CDK13: variants seen among roughly 807,000 people sequenced by gnomAD.
CDK13 encodes cyclin dependent kinase 13.
CDK13 carries 40 observed loss-of-function variants against 137.6 expected under a neutral mutation model. The observed-to-expected ratio is 0.29, with a 90% CI of 0.23 to 0.38. CDK13 has a LOEUF of 0.38. CDK13 is among the 10% of genes least tolerant of loss of function. The pLI, the probability that CDK13 is intolerant of heterozygous loss-of-function variation, is 1.00. For synonymous variants in CDK13, 869 were observed against 760.1 expected (o/e 1.14, Z -2.36); for missense variants, 1,704 against 1,951.8 (o/e 0.87, Z 2.39).
At chr7:39,997,951 C>T (rs1784598390) in intron 3 of CDK13, 1 of 267,888 alleles carries the variant, frequency 3.7e-6, no homozygotes, top group Non-Finnish European at 7.0e-6. Context: ...ATTGAAATAA[C>T]ACAAACACTG....
chr7:39,988,098 G>A lies in CDK13; in HGVS notation c.1711G>A (p.Ala571Thr). Residue 571 changes from alanine (A) to threonine (T), a missense_variant, in exon 2 of 14, where the codon GCT becomes ACT. By Grantham distance (58) the Ala-to-Thr change is moderately conservative. Around this residue, in one of 5 missense-constraint regions of CDK13, gnomAD observed 1,051 missense variants for 931.0 expected, o/e 1.13. Coordinates refer to ENST00000181839, the MANE Select transcript of CDK13 (RefSeq NM_003718.5). The part of the protein sequence containing the change: ...AVIVGKESKS[A>T]ATKEESVSLK... ...CATAGTTGGAAAGGAGAGTAAATCTGCTGCTACAAAGGAGGAATCAGTATC... is the reference window on the plus strand; with the variant it reads ...CATAGTTGGAAAGGAGAGTAAATCTACTGCTACAAAGGAGGAATCAGTATC... 6.2e-7 allele frequency: 1 copy of A among 1,614,042 alleles called. No homozygotes were observed. Among genetic ancestry groups the A allele is most frequent in the Non-Finnish European group, 8.5e-7 (1 of 1,180,010 alleles).
chr7:40,000,287 A>ACC (rs1784655793), intron 4 of CDK13, among the ~76,000 whole-genome samples: 2 of 152,064 alleles, frequency 1.3e-5, no homozygotes. Context: ...TGAGGCTTGA[A>ACC]CCCAGGGAGT....
chr7:39,955,360 A>G (rs1787376043), intron 1 of CDK13, among the ~76,000 whole-genome samples: 1 of 152,172 alleles, frequency 6.6e-6, no homozygotes, highest in African/African-American at 2.4e-5. Context: ...CCCTAGGCTG[A>G]TTTGAAAGTA....
At chr7:40,045,420 T>TTCAG (rs1422749282) in intron 5 of CDK13, among the ~76,000 whole-genome samples, 5 of 146,890 alleles carry the variant, frequency 3.4e-5, no homozygotes, top group Admixed American at 6.7e-5. Context: ...AACATCTTTC[T>TTCAG]TGGCCTGTAC....
At chr7:39,967,554 C>T (rs777705100) in intron 1 of CDK13, among the ~76,000 whole-genome samples, 4 of 151,958 alleles carry the variant, frequency 2.6e-5, no homozygotes, top group Non-Finnish European at 5.9e-5. Context: ...CTGCAATGAA[C>T]ATGGGAGTGG....
intron 1 of CDK13, among the ~76,000 whole-genome samples, chr7:39,959,097 A>G (rs1044591543): frequency 2.6e-5 from 4 of 151,808 alleles, no homozygotes; most frequent in African/African-American, 7.3e-5. Context: ...GCCTGGCACC[A>G]TTATCGTTTC....
intron 1 of CDK13, among the ~76,000 whole-genome samples, chr7:39,963,021 C>T (rs1202656696): frequency 1.3e-5 from 2 of 152,210 alleles, no homozygotes; most frequent in East Asian, 3.8e-4. Context: ...GTTTTCGTTA[C>T]TGTAGCCTTG....
chr7:40,024,371 C>G (rs981152990), intron 5 of CDK13, among the ~76,000 whole-genome samples: 1 of 152,174 alleles, frequency 6.6e-6, no homozygotes, highest in African/African-American at 2.4e-5. Context: ...AGTTGTACTG[C>G]CTCGCTTTGT....
chr7:40,075,416 A>ATC (rs1305139532), intron 9 of CDK13, among the ~76,000 whole-genome samples: 1 of 152,204 alleles, frequency 6.6e-6, no homozygotes, highest in Admixed American at 6.5e-5. Flanking sequence ...CGGTACTCAG[A>ATC]TATCTTTCAA....
intron 2 of CDK13, among the ~76,000 whole-genome samples, chr7:39,997,186 T>C (rs1038605490): frequency 1.3e-5 from 2 of 152,156 alleles, no homozygotes; most frequent in Non-Finnish European, 2.9e-5. Flanking sequence ...TTACTGTTAA[T>C]ATCTTACATC....
rs2116268341 is a variant in CDK13 at position 39,988,109 on chromosome 7, G to A, written c.1722G>A (p.Lys574=). ...VGKESKSAAT[K]EESVSLKEKT... Reference sequence around the variant, plus strand: ...AGGAGAGTAAATCTGCTGCTACAAAGGAGGAATCAGTATCTCTTAAAGAGA... The same window carrying A: ...AGGAGAGTAAATCTGCTGCTACAAAAGAGGAATCAGTATCTCTTAAAGAGA... The change falls in exon 2 of 14, where the codon AAG becomes AAA. Residue 574 remains lysine, a synonymous_variant. Coordinates refer to ENST00000181839, the MANE Select transcript of CDK13 (RefSeq NM_003718.5). The A allele has an allele frequency of 6.2e-7, 1 of 1,613,924 alleles. No homozygotes were observed. Among genetic ancestry groups the A allele is most frequent in the South Asian group, 1.1e-5 (1 of 91,056 alleles).
chr7:40,018,402 G>A (rs1785047337), intron 5 of CDK13, among the ~76,000 whole-genome samples: 1 of 151,176 alleles, frequency 6.6e-6, no homozygotes, highest in Non-Finnish European at 1.5e-5. Flanking sequence ...AAACATAAGG[G>A]AAGTAGTCAT....
intron 5 of CDK13, among the ~76,000 whole-genome samples, chr7:40,021,932 TGGAAC>T (rs1785135341): frequency 6.6e-6 from 1 of 152,242 alleles, no homozygotes; most frequent in Non-Finnish European, 1.5e-5. Flanking sequence ...AAAATGTGTT[TGGAAC>T]TCAGATTTTG....
At chr7:39,975,204 A>C (rs1283908936) in intron 1 of CDK13, among the ~76,000 whole-genome samples, 7 of 152,104 alleles carry the variant, frequency 4.6e-5, no homozygotes, top group Non-Finnish European at 7.4e-5. Flanking sequence ...ACTTGAACCC[A>C]AGAGTTTGAG....
At chr7:40,081,672 A>G (rs1453958995) in intron 11 of CDK13, among the ~76,000 whole-genome samples, 3 of 152,222 alleles carry the variant, frequency 2.0e-5, no homozygotes, top group Non-Finnish European at 4.4e-5. Flanking sequence ...AATATCAGTA[A>G]TGAATATTTC....
intron 7 of CDK13, among the ~76,000 whole-genome samples, chr7:40,050,970 T>C (rs1785874101): frequency 6.6e-6 from 1 of 152,204 alleles, no homozygotes. Context: ...TTTTATATTA[T>C]GAGGCTTAAT....
rs975170221 is a variant in CDK13 at position 40,042,643 on chromosome 7, G to GT, written c.2354-3185dup. 8.7e-4 allele frequency among the ~76,000 whole-genome samples: 124 copies of GT among 143,158 alleles called. 1 individual carries two copies. The highest frequency in any genetic ancestry group is 3.2e-3 in the African/African-American group (111 of 34,632). The allele number at this position is 143,158 out of a possible 152,430, so 93.9% of individuals were successfully genotyped here. On this transcript the variant is annotated intron_variant, in intron 5 of 13. Transcript: ENST00000181839. ...ACAGGCATGTGCCCCACATCCAGCT[G>GT]TTTTTTTTGTATTTTAGCAGAGACG...
chr7:40,017,851 A>G (rs1785033909), intron 5 of CDK13, among the ~76,000 whole-genome samples: 1 of 151,692 alleles, frequency 6.6e-6, no homozygotes, highest in African/African-American at 2.4e-5. Context: ...TTGAAAAAGT[A>G]TTCAGGTATC....
intron 2 of CDK13, among the ~76,000 whole-genome samples, chr7:39,991,134 A>G (rs897240226): frequency 2.6e-5 from 4 of 152,174 alleles, no homozygotes; most frequent in African/African-American, 9.7e-5. Flanking sequence ...TCTGAAAGTA[A>G]TGCTCTTGGT....
Sources: gnomAD v4.1 joint callset for allele counts (sites outside exome capture counted in the v4.1 genomes callset) on GRCh38, gnomAD v4.1.1 for gene constraint, gnomAD v4.1.1 regional missense constraint, MANE v1.5 for transcripts, NCBI Gene and HGNC (gene_info 2026-07-23, HGNC 2026-07-21) for gene names.